Variants in SNTG1 observed in about 807,000 individuals in gnomAD.
The protein encoded by SNTG1 is syntrophin gamma 1.
Under a neutral mutation model 74.7 loss-of-function variants are expected in SNTG1, and 39 were observed. The observed-to-expected ratio is 0.52, with a 90% CI of 0.40 to 0.68. SNTG1 has a LOEUF of 0.68. SNTG1 is among the 30% of genes least tolerant of loss of function. SNTG1 has a pLI of 0.00. For synonymous variants in SNTG1, 254 were observed against 217.1 expected (o/e 1.17, Z -1.49); for missense variants, 685 against 609.5 (o/e 1.12, Z -1.30).
intron 1 of SNTG1, among the ~76,000 whole-genome samples, chr8:50,160,482 A>G (rs1248333179): frequency 6.6e-6 from 1 of 152,188 alleles, no homozygotes. Flanking sequence ...ATTAGTCCTC[A>G]TCACTTAGAA....
intron 1 of SNTG1, among the ~76,000 whole-genome samples, chr8:50,150,862 C>T (rs2082044078): frequency 6.6e-6 from 1 of 152,118 alleles, no homozygotes; most frequent in Admixed American, 6.6e-5. Flanking sequence ...GGATGTTGGT[C>T]TAAAATTCTC....
chr8:50,471,805 G>A (rs931972703), intron 8 of SNTG1, among the ~76,000 whole-genome samples: 3 of 152,148 alleles, frequency 2.0e-5, no homozygotes, highest in Non-Finnish European at 4.4e-5. Flanking sequence ...GACCCTATAT[G>A]TAGAAATCCC....
intron 4 of SNTG1, among the ~76,000 whole-genome samples, chr8:50,429,521 A>G (rs1563374503): frequency 1.3e-5 from 2 of 152,184 alleles, no homozygotes; most frequent in Non-Finnish European, 2.9e-5. Flanking sequence ...AACTAAAACT[A>G]TTAAAACTCA....
rs748323237 is a variant in SNTG1 at position 49,940,364 on chromosome 8, C to T, written c.-103+28133C>T. The stretch of plus-strand genomic sequence containing the variant: ...GGTGGGTGGTGGTTGGTTAGCTTAG[C>T]GAAAAAGTAGATTTTCCTGGGAAAT... On this transcript the variant is annotated intron_variant, in intron 1 of 18. Transcript: ENST00000642720. 5.9e-5 allele frequency among the ~76,000 whole-genome samples: 9 copies of T among 151,918 alleles called. 1 individual carries two copies. Among genetic ancestry groups the T allele is most frequent in the Non-Finnish European group, 8.8e-5 (6 of 67,990 alleles).
intron 1 of SNTG1, among the ~76,000 whole-genome samples, chr8:49,938,534 C>G (rs1455175333): frequency 7.3e-6 from 1 of 136,872 alleles, no homozygotes; most frequent in Non-Finnish European, 1.6e-5. Context: ...CCCTCCCTAT[C>G]TTACCATGCC....
intron 8 of SNTG1, among the ~76,000 whole-genome samples, chr8:50,472,125 G>T (rs557002852): frequency 6.6e-6 from 1 of 152,122 alleles, no homozygotes; most frequent in Non-Finnish European, 1.5e-5. Context: ...ACTACCCATT[G>T]TAATTTACAG....
chr8:50,635,473 C>G (rs1393667276), intron 13 of SNTG1, among the ~76,000 whole-genome samples: 1 of 152,176 alleles, frequency 6.6e-6, no homozygotes, highest in Admixed American at 6.5e-5. Context: ...GTGCTCTACT[C>G]TACGGCAGCT....
At chr8:50,760,376 T>C (rs1453401720) in intron 18 of SNTG1, among the ~76,000 whole-genome samples, 4 of 152,098 alleles carry the variant, frequency 2.6e-5, no homozygotes, top group African/African-American at 4.8e-5. Flanking sequence ...CAATACTGTG[T>C]TGAATAAGAG....
rs536731196 is a variant in SNTG1, at chr8:49,956,373, G to T, written c.-103+44142G>T. ...AAAATCTAATCTTTTCAGATAACTGGCAATCTTCAACTTTATTTTGCTATT... is the reference window on the plus strand; with the variant it reads ...AAAATCTAATCTTTTCAGATAACTGTCAATCTTCAACTTTATTTTGCTATT... On this transcript the variant is annotated intron_variant, in intron 1 of 18. Coordinates refer to ENST00000642720, the MANE Select transcript of SNTG1 (RefSeq NM_018967.5). Among the ~76,000 whole-genome samples the T allele has an allele frequency of 4.6e-5, 7 of 152,234 alleles. No homozygotes were observed. The South Asian group carries it at 1.5e-3, about 32-fold the overall frequency.
rs1459167783 is a variant in SNTG1, at chr8:50,684,860, C to T, written c.1039-19740C>T. ...CACTAACTCGTCATCTACCATTAGG[C>T]GTATCTCCCAATGCTATCCCTCCCC... is the stretch of plus-strand genomic sequence containing the variant. On this transcript the variant is annotated intron_variant, in intron 15 of 18. Transcript: ENST00000642720. Among the ~76,000 whole-genome samples the T allele has an allele frequency of 2.7e-5, 4 of 150,168 alleles. No individual in the cohort carries two copies. The East Asian group carries it at 5.9e-4, about 22-fold the overall frequency.
intron 1 of SNTG1, among the ~76,000 whole-genome samples, chr8:50,112,491 G>C (rs2080631360): frequency 6.9e-6 from 1 of 145,028 alleles, no homozygotes; most frequent in South Asian, 2.2e-4. Flanking sequence ...CAGTTATGCA[G>C]CATACACAAG....
chr8:50,079,681 G>GGT (rs1822224435), intron 1 of SNTG1, among the ~76,000 whole-genome samples: 1 of 152,082 alleles, frequency 6.6e-6, no homozygotes, highest in African/African-American at 2.4e-5. Flanking sequence ...TTCTTCTACA[G>GGT]TTTTTATGGT....
intron 8 of SNTG1, among the ~76,000 whole-genome samples, chr8:50,460,477 T>C (rs993010845): frequency 6.6e-6 from 1 of 152,194 alleles, no homozygotes; most frequent in Non-Finnish European, 1.5e-5. Context: ...GTGCAGAAGC[T>C]GTTTAGTTTA....
chr8:50,331,964 G>A (rs1210687225), intron 2 of SNTG1, among the ~76,000 whole-genome samples: 2 of 152,140 alleles, frequency 1.3e-5, no homozygotes, highest in African/African-American at 4.8e-5. Flanking sequence ...GATGCAGATG[G>A]CAAATTTTTG....
chr8:50,381,875 T>A (rs2092494344), intron 2 of SNTG1: 1 of 144,818 alleles, frequency 6.9e-6, no homozygotes, highest in Non-Finnish European at 1.5e-5. Flanking sequence ...TATTAAGTAT[T>A]AACTCACACA....
intron 1 of SNTG1, among the ~76,000 whole-genome samples, chr8:50,161,179 A>G (rs2082404843): frequency 6.6e-6 from 1 of 152,212 alleles, no homozygotes; most frequent in South Asian, 2.1e-4. Flanking sequence ...ACATAAGTTG[A>G]AATTTTATGT....
chr8:50,246,042 C>T lies in SNTG1; in HGVS notation c.-28+73407C>T, dbSNP rs76528847. 4.5e-3 allele frequency among the ~76,000 whole-genome samples: 673 copies of T among 151,184 alleles called. 5 individuals are homozygous for T. Among genetic ancestry groups the T allele is most frequent in the African/African-American group, 0.016 (645 of 41,092 alleles). On this transcript the variant is annotated intron_variant, in intron 2 of 18. Coordinates refer to ENST00000642720, the MANE Select transcript of SNTG1 (RefSeq NM_018967.5). Reference sequence around the variant, plus strand: ...TATCTATTTTGTAATTAAAGAAAAACAGTGGAAAACATTAAATAATCCTTA... The same window carrying T: ...TATCTATTTTGTAATTAAAGAAAAATAGTGGAAAACATTAAATAATCCTTA...
chr8:50,668,912 G>A (rs2095264062), intron 15 of SNTG1, among the ~76,000 whole-genome samples: 1 of 151,978 alleles, frequency 6.6e-6, no homozygotes, highest in Admixed American at 6.6e-5. Context: ...CCACGACTTT[G>A]CAATTGTAAA....
chr8:50,765,991 A>G (rs1013094410), intron 18 of SNTG1, among the ~76,000 whole-genome samples: 15 of 152,002 alleles, frequency 9.9e-5, no homozygotes, highest in Non-Finnish European at 1.8e-4. Context: ...TAATTTTTAC[A>G]CAGTTATTTT....
Sources: gnomAD v4.1 joint callset for allele counts (sites outside exome capture counted in the v4.1 genomes callset) on GRCh38, gnomAD v4.1.1 for gene constraint, MANE v1.5 for transcripts, NCBI Gene and HGNC (gene_info 2026-07-23, HGNC 2026-07-21) for gene names.